The following SYNJ2BP variants were observed in gnomAD, a reference collection of about 807,000 sequenced individuals.
SYNJ2BP encodes synaptojanin-2-binding protein.
SYNJ2BP carries 10 observed loss-of-function variants against 16.9 expected under a neutral mutation model. The observed-to-expected ratio is 0.59, with a 90% confidence interval of 0.36 to 1.00. The LOEUF (loss-of-function observed/expected upper bound fraction) is 1.00, where lower values mean the gene tolerates loss of function less well. Ranked by LOEUF, SYNJ2BP falls within the 50% of genes least tolerant of loss-of-function variation. The probability of loss-of-function intolerance (pLI) is 0.01; values close to 1 mark genes in which losing one functional copy is unlikely to be tolerated. For missense variants in SYNJ2BP, 162 were observed against 186.7 expected (o/e 0.87, Z 0.77); for synonymous variants, 54 against 68.4 (o/e 0.79, Z 1.04).
At chr14:70,415,164 C>A (rs562032031) in intron 1 of SYNJ2BP, among the ~76,000 whole-genome samples, 3 of 94,310 alleles carry the variant, frequency 3.2e-5, no homozygotes, top group Admixed American at 2.8e-4. Flanking sequence ...CAAAGTGAGA[C>A]CTCGTCTCTA....
intron 2 of SYNJ2BP, among the ~76,000 whole-genome samples, chr14:70,377,786 C>G (rs904660533): frequency 6.6e-6 from 1 of 152,172 alleles, no homozygotes; most frequent in East Asian, 1.9e-4. Context: ...CTTCTCTCAA[C>G]TAAAATTATA....
intron 1 of SYNJ2BP, among the ~76,000 whole-genome samples, chr14:70,414,054 G>T (rs947603647): frequency 3.9e-5 from 6 of 152,160 alleles, no homozygotes; most frequent in Non-Finnish European, 8.8e-5. Context: ...GTTTCTAGTG[G>T]TATTTTGAGA....
intron 3 of SYNJ2BP, among the ~76,000 whole-genome samples, chr14:70,375,287 T>C (rs12889915): frequency 0.87 from 131,088 of 150,562 alleles, 57,126 homozygotes; most frequent in East Asian, 0.93. Context: ...CTGCAACCTC[T>C]ACCTCCTGGG....
intron 1 of SYNJ2BP, among the ~76,000 whole-genome samples, chr14:70,392,239 G>A (rs1473919478): frequency 1.3e-5 from 2 of 152,176 alleles, no homozygotes; most frequent in Non-Finnish European, 2.9e-5. Context: ...CTCTGAGGAA[G>A]ATATAAAGCT....
rs376773956 is a variant in SYNJ2BP at position 70,372,956 on chromosome 14, A to G, written c.*35T>C. ...CAGGGGTGGAGGGTGAGTGAAATGTATCTTCATTGGGAGTATTGAAAGAGA... is the reference window on the plus strand; with the variant it reads ...CAGGGGTGGAGGGTGAGTGAAATGTGTCTTCATTGGGAGTATTGAAAGAGA... On this transcript the variant is annotated 3_prime_UTR_variant, in exon 4 of 4. Coordinates refer to ENST00000256366, the MANE Select transcript of SYNJ2BP (RefSeq NM_018373.3). 237 of 1,612,038 alleles carry G rather than the reference A, an allele frequency of 1.5e-4. No homozygotes were observed. Among genetic ancestry groups the G allele is most frequent in the Admixed American group, 2.2e-4 (13 of 59,952 alleles).
chr14:70,414,258 C>T (rs1245269260), intron 1 of SYNJ2BP, among the ~76,000 whole-genome samples: 5 of 152,178 alleles, frequency 3.3e-5, no homozygotes, highest in Admixed American at 1.3e-4. Context: ...AAACTTGAGG[C>T]TTTACTCTCC....
intron 3 of SYNJ2BP, among the ~76,000 whole-genome samples, chr14:70,375,054 A>G (rs1372132973): frequency 6.6e-6 from 1 of 151,658 alleles, no homozygotes; most frequent in Non-Finnish European, 1.5e-5. Context: ...AAGTGCTAAG[A>G]GTACAGATGT....
chr14:70,385,548 A>ATT (rs1164659803), intron 2 of SYNJ2BP, among the ~76,000 whole-genome samples: 1 of 142,006 alleles, frequency 7.0e-6, no homozygotes, highest in African/African-American at 2.6e-5. Flanking sequence ...AATTTTTTGT[A>ATT]TTTTTTTTTT....
At chr14:70,412,635 A>ATATATATGTAT (rs1333090417) in intron 1 of SYNJ2BP, among the ~76,000 whole-genome samples, 9 of 150,298 alleles carry the variant, frequency 6.0e-5, no homozygotes, top group Admixed American at 1.3e-4. Flanking sequence ...TATAGTAACT[A>ATATATATGTAT]GCACACTACC....
intron 1 of SYNJ2BP, among the ~76,000 whole-genome samples, chr14:70,407,917 T>G (rs1167790504): frequency 6.6e-6 from 1 of 152,198 alleles, no homozygotes; most frequent in African/African-American, 2.4e-5. Context: ...GAAGACAATG[T>G]AATTAGCTTA....
rs572440185 is a variant in SYNJ2BP at position 70,416,815 on chromosome 14, C to T, written c.64+85G>A. Reference sequence around the variant, plus strand: ...GGTTGTGGCCTGCCCGCCCCGAGGCCAGGTGAATCCGGCTCAGCAGCAGAG... The same window carrying T: ...GGTTGTGGCCTGCCCGCCCCGAGGCTAGGTGAATCCGGCTCAGCAGCAGAG... On this transcript the variant is annotated intron_variant, in intron 1 of 3. Coordinates refer to ENST00000256366, the MANE Select transcript of SYNJ2BP (RefSeq NM_018373.3). 149 of 1,601,726 alleles carry T rather than the reference C, an allele frequency of 9.3e-5. No homozygotes were observed. In the East Asian group the frequency reaches 3.2e-3, roughly 34 times the overall value.
chr14:70,400,317 T>C (rs976776636), intron 1 of SYNJ2BP, among the ~76,000 whole-genome samples: 23 of 152,222 alleles, frequency 1.5e-4, no homozygotes, highest in African/African-American at 5.1e-4. Flanking sequence ...CTAATTATGA[T>C]TGACAGCATA....
chr14:70,379,720 C>T (rs1252192783), intron 2 of SYNJ2BP, among the ~76,000 whole-genome samples: 1 of 152,190 alleles, frequency 6.6e-6, no homozygotes, highest in Non-Finnish European at 1.5e-5. Context: ...TAACTCCTGA[C>T]AGAATAGGTG....
intron 1 of SYNJ2BP, among the ~76,000 whole-genome samples, chr14:70,388,996 A>G (rs1251328337): frequency 4.7e-5 from 7 of 148,302 alleles, no homozygotes; most frequent in African/African-American, 1.8e-4. Context: ...GCTACTCAGG[A>G]GTTCATAGCT....
At chr14:70,415,610 G>T (rs933820876) in intron 1 of SYNJ2BP, among the ~76,000 whole-genome samples, 16 of 148,108 alleles carry the variant, frequency 1.1e-4, no homozygotes, top group Non-Finnish European at 1.6e-4. Context: ...ACAAAGTATG[G>T]ATAATTCTGA....
intron 1 of SYNJ2BP, among the ~76,000 whole-genome samples, chr14:70,413,402 G>T (rs911006524): frequency 3.9e-5 from 6 of 152,244 alleles, no homozygotes; most frequent in African/African-American, 1.4e-4. Context: ...ACTTTGGGAG[G>T]CCAAGGCAGG....
At chr14:70,414,847 G>C (rs1188368669) in intron 1 of SYNJ2BP, among the ~76,000 whole-genome samples, 1 of 152,128 alleles carries the variant, frequency 6.6e-6, no homozygotes, top group Non-Finnish European at 1.5e-5. Flanking sequence ...GTTATCAATG[G>C]ATGAAAAGTA....
In SYNJ2BP at chr14:70,370,185, A is replaced by G. The variant is rs1466636135; in HGVS notation, c.*2806T>C. ...ATACTTTTTAAACAAATTTACATAT[A>G]CCAACAAGCAAAAAACTAGAGCTTT... On this transcript the variant is annotated 3_prime_UTR_variant, in exon 4 of 4. Coordinates refer to ENST00000256366, the MANE Select transcript of SYNJ2BP (RefSeq NM_018373.3). 6.6e-6 allele frequency: 1 copy of G among 152,216 alleles called. No homozygotes were observed. Among genetic ancestry groups the G allele is most frequent in the Non-Finnish European group, 1.5e-5 (1 of 68,028 alleles). The allele number at this position is 152,216 out of a possible 1,614,324, so 9.4% of individuals were successfully genotyped here.
chr14:70,379,682 T>G (rs572237810), intron 2 of SYNJ2BP, among the ~76,000 whole-genome samples: 1 of 152,356 alleles, frequency 6.6e-6, no homozygotes, highest in Admixed American at 6.5e-5. Flanking sequence ...ACTATCACAA[T>G]GAATTCTCAA....
Sources: allele counts gnomAD v4.1 joint callset (sites outside exome capture counted in the v4.1 genomes callset), GRCh38; gene constraint gnomAD v4.1.1; transcripts MANE v1.5; gene names NCBI Gene and HGNC (gene_info 2026-07-23, HGNC 2026-07-21).